The following LIN52 variants were observed in gnomAD, a reference collection of about 807,000 sequenced individuals.
The protein encoded by LIN52 is protein lin-52 homolog.
In LIN52, 4 loss-of-function variants were observed where a neutral mutation model predicts 18.5. The observed-to-expected ratio is 0.22, with a 90% CI of 0.11 to 0.49. The LOEUF is 0.49. Ranked by LOEUF, LIN52 falls within the 20% of genes least tolerant of loss-of-function variation. LIN52 has a pLI of 0.97. For missense variants in LIN52, 102 were observed against 139.5 expected, an observed-to-expected ratio of 0.73 and a Z score of 1.35; for synonymous variants, 34 against 45.5, an observed-to-expected ratio of 0.75 and a Z score of 1.02.
At chr14:74,185,082 C>A (rs2061335384) in intron 5 of LIN52, among the ~76,000 whole-genome samples, 1 of 151,952 alleles carries the variant, frequency 6.6e-6, no homozygotes, top group Non-Finnish European at 1.5e-5. Context: ...TTATCCATTT[C>A]TCCAAGGAAC....
At chr14:74,113,079 T>A (rs1209699509) in intron 5 of LIN52, among the ~76,000 whole-genome samples, 1 of 152,106 alleles carries the variant, frequency 6.6e-6, no homozygotes, top group Non-Finnish European at 1.5e-5. Context: ...TATGGTAATA[T>A]TTGCAATTTC....
chr14:74,172,205 T>A (rs1254733724), intron 5 of LIN52, among the ~76,000 whole-genome samples: 2 of 152,208 alleles, frequency 1.3e-5, no homozygotes, highest in Non-Finnish European at 2.9e-5. Context: ...TATATTATAA[T>A]GGTATATGTA....
At chr14:74,124,215 G>T (rs2061015207) in intron 5 of LIN52, among the ~76,000 whole-genome samples, 1 of 151,962 alleles carries the variant, frequency 6.6e-6, no homozygotes, top group South Asian at 2.1e-4. Context: ...CAGAAAAAAA[G>T]AAATTAAAAA....
intron 5 of LIN52, among the ~76,000 whole-genome samples, chr14:74,130,297 G>GTTTTTTTTTTTTTTTTTTT (rs2061057637): frequency 1.1e-4 from 2 of 17,650 alleles, no homozygotes; most frequent in African/African-American, 5.5e-4. Context: ...TTTTTTTTTT[G>GTTTTTTTTTTTTTTTTTTT]AGACAGTCTC....
intron 5 of LIN52, among the ~76,000 whole-genome samples, chr14:74,187,775 A>G (rs1157725004): frequency 2.0e-5 from 3 of 152,234 alleles, no homozygotes; most frequent in African/African-American, 7.2e-5. Flanking sequence ...GTAAATAGCC[A>G]TAAAGTTAAT....
Position 74,158,778 on chromosome 14 carries a change from G to A in LIN52, c.284-40144G>A, listed in dbSNP as rs368320477. On this transcript the variant is annotated intron_variant, in intron 5 of 5. Coordinates refer to ENST00000555028, the MANE Select transcript of LIN52 (RefSeq NM_001024674.3). ...CAGGCGTGAGCCACTGCGCCCAGCC[G>A]TAAGTTATTTATTTCTAGAGATCAG... 1.2e-4 allele frequency among the ~76,000 whole-genome samples: 18 copies of A among 152,300 alleles called. 1 individual carries two copies. The highest frequency in any genetic ancestry group is 3.8e-4 in the African/African-American group (16 of 41,562).
chr14:74,101,088 A>G (rs1423972463), intron 4 of LIN52, 67 bp from the exon 5 acceptor site: 8 of 1,312,604 alleles, frequency 6.1e-6, no homozygotes, highest in East Asian at 2.4e-5. Context: ...AGAGTTCCCA[A>G]CCCAAGGAAG....
At chr14:74,174,389 A>T (rs2061283428) in intron 5 of LIN52, 1 of 152,238 alleles carries the variant, frequency 6.6e-6, no homozygotes, top group African/African-American at 2.4e-5. Flanking sequence ...TACTAGAGGC[A>T]GTTGGAACAC....
At chr14:74,171,736 C>CTTT (rs534860812) in intron 5 of LIN52, among the ~76,000 whole-genome samples, 18,544 of 121,058 alleles carry the variant, frequency 0.15, 2,357 homozygotes, top group African/African-American at 0.19. Flanking sequence ...TATTTTAATT[C>CTTT]TTTTTTTTTT....
chr14:74,095,281 C>T (rs1470390633), intron 2 of LIN52, among the ~76,000 whole-genome samples: 1 of 149,944 alleles, frequency 6.7e-6, no homozygotes, highest in Non-Finnish European at 1.5e-5. Context: ...ACTACAGGGG[C>T]ACATCACTAC....
chr14:74,130,278 G>GTTTTTTTTTTTTTTTTTTTTTTT lies in LIN52; in HGVS notation c.283+29058_283+29059insTTTTTTTTTTTTTTTTTTTTTTT. On this transcript the variant is annotated intron_variant, in intron 5 of 5. Transcript: ENST00000555028. Reference sequence around the variant, plus strand: ...GAATTTATTAGATAGGCATTTTTTGGTTTTTTTTTTTTTTTTTTGAGACAG... The same window carrying GTTTTTTTTTTTTTTTTTTTTTTT: ...GAATTTATTAGATAGGCATTTTTTGGTTTTTTTTTTTTTTTTTTTTTTTTTTTTTTTTTTTTTTTTTGAGACAG... Among the ~76,000 whole-genome samples, 229 of 64,786 alleles carry GTTTTTTTTTTTTTTTTTTTTTTT rather than the reference G, an allele frequency of 3.5e-3. 40 individuals are homozygous for GTTTTTTTTTTTTTTTTTTTTTTT. Among genetic ancestry groups the GTTTTTTTTTTTTTTTTTTTTTTT allele is most frequent in the African/African-American group, 4.2e-3 (67 of 15,866 alleles). The allele number at this position is 64,786 out of a possible 152,430, so 42.5% of individuals were successfully genotyped here. A position where few individuals can be genotyped will look rare whatever the true frequency, so the allele number is the denominator to read the frequency against.
intron 5 of LIN52, among the ~76,000 whole-genome samples, chr14:74,156,008 C>A (rs1392305329): frequency 6.6e-6 from 1 of 152,054 alleles, no homozygotes; most frequent in Non-Finnish European, 1.5e-5. Context: ...CCAGAAGAGC[C>A]CAATCACTTG....
intron 2 of LIN52, 81 bp from the exon 3 acceptor site, chr14:74,095,867 A>T: frequency 6.0e-6 from 5 of 839,502 alleles, no homozygotes; most frequent in Non-Finnish European, 7.6e-6. Context: ...AAACAGACAA[A>T]GCTGTTTTCT....
At chr14:74,163,944 G>A (rs977219691) in intron 5 of LIN52, among the ~76,000 whole-genome samples, 6 of 151,956 alleles carry the variant, frequency 3.9e-5, no homozygotes, top group Non-Finnish European at 8.8e-5. Flanking sequence ...TTACTCAACC[G>A]GTGGATACTA....
chr14:74,136,459 G>T (rs1477231392), intron 5 of LIN52, among the ~76,000 whole-genome samples: 1 of 152,140 alleles, frequency 6.6e-6, no homozygotes, highest in East Asian at 1.9e-4. Flanking sequence ...AGTTTGAAAG[G>T]TGGGGAAAGT....
chr14:74,100,356 G>A (rs1389322918), intron 4 of LIN52, among the ~76,000 whole-genome samples: 1 of 152,178 alleles, frequency 6.6e-6, no homozygotes, highest in East Asian at 1.9e-4. Context: ...CACCCAGACT[G>A]TAGTGCAGTG....
chr14:74,118,226 G>A (rs1457736105), intron 5 of LIN52, among the ~76,000 whole-genome samples: 2 of 151,928 alleles, frequency 1.3e-5, no homozygotes, highest in Non-Finnish European at 1.5e-5. Flanking sequence ...ATGCCACTGC[G>A]TTCCAGTCTG....
chr14:74,105,468 A>G (rs1465143017), intron 5 of LIN52, among the ~76,000 whole-genome samples: 7 of 152,216 alleles, frequency 4.6e-5, no homozygotes, highest in Non-Finnish European at 5.9e-5. Flanking sequence ...GCTGACATGA[A>G]ATAGCTTTAA....
At chr14:74,154,176 A>C (rs115881318) in intron 5 of LIN52, among the ~76,000 whole-genome samples, 1 of 150,926 alleles carries the variant, frequency 6.6e-6, no homozygotes, top group East Asian at 2.0e-4. Context: ...TTTAGTTGTC[A>C]TGTCTCCTTA....
Sources: gnomAD v4.1 joint callset for allele counts (sites outside exome capture counted in the v4.1 genomes callset) on GRCh38, gnomAD v4.1.1 for gene constraint, MANE v1.5 for transcripts, NCBI Gene and HGNC (gene_info 2026-07-23, HGNC 2026-07-21) for gene names.